The following LAMA2 variants were observed in gnomAD, a reference collection of about 807,000 sequenced individuals.
LAMA2 encodes laminin subunit alpha-2.
A neutral mutation model predicts 364.8 loss-of-function variants in LAMA2; 269 were observed. That is an observed-to-expected ratio of 0.74 (90% CI 0.67 to 0.82). LAMA2 has a LOEUF of 0.82. LAMA2 is among the 40% of genes least tolerant of loss of function. LAMA2 has a pLI of 0.00. For missense variants in LAMA2, 3,807 were observed against 3,873.2 expected, an observed-to-expected ratio of 0.98 and a Z score of 0.45; for synonymous variants, 1,379 against 1,370.6, an observed-to-expected ratio of 1.01 and a Z score of -0.14.
At chr6:129,132,570 A>G (rs934180706) in intron 4 of LAMA2, among the ~76,000 whole-genome samples, 2 of 152,218 alleles carry the variant, frequency 1.3e-5, no homozygotes, top group Non-Finnish European at 2.9e-5. Context: ...ATTGATGTTC[A>G]GTGACCTTAG....
chr6:129,255,223 T>A (rs550101411), intron 14 of LAMA2, among the ~76,000 whole-genome samples: 1 of 151,628 alleles, frequency 6.6e-6, no homozygotes, highest in East Asian at 1.9e-4. Context: ...CTGACCAACA[T>A]GGTGAAACCC....
intron 43 of LAMA2, 27 bp from the exon 44 acceptor site, chr6:129,443,036 T>A (rs1197323623): frequency 6.4e-7 from 1 of 1,566,630 alleles, no homozygotes; most frequent in Admixed American, 1.7e-5. Context: ...TTTTTTTTGT[T>A]TTGCTTCCAT....
chr6:129,082,840 C>T (rs889309448), intron 3 of LAMA2, among the ~76,000 whole-genome samples: 4 of 152,030 alleles, frequency 2.6e-5, no homozygotes, highest in Non-Finnish European at 5.9e-5. Flanking sequence ...TTTCAGTATG[C>T]TTTAATGCTT....
At position 129,129,754 on chromosome 6, in the gene LAMA2, C is replaced by T. The variant is rs190605141; in HGVS notation, c.640-14147C>T. Among the ~76,000 whole-genome samples the T allele has an allele frequency of 9.2e-4, 139 of 151,600 alleles. 1 individual carries two copies. The highest frequency in any genetic ancestry group is 3.4e-3 in the Admixed American group (52 of 15,234). ...CCCGGCTAAAACGGTGAAACCCCGT[C>T]TCTACTAAAAATACAAAAAATTAGC... On this transcript the variant is annotated intron_variant, in intron 4 of 64. Transcript: ENST00000421865.
chr6:129,194,884 G>A (rs911897318), intron 12 of LAMA2, among the ~76,000 whole-genome samples: 4 of 152,196 alleles, frequency 2.6e-5, no homozygotes, highest in African/African-American at 7.2e-5. Context: ...TGCTAAGGAA[G>A]TGGAAAATTG....
intron 4 of LAMA2, among the ~76,000 whole-genome samples, chr6:129,136,775 A>G (rs1777820526): frequency 6.6e-6 from 1 of 152,230 alleles, no homozygotes; most frequent in Non-Finnish European, 1.5e-5. Context: ...CAAGGACTGT[A>G]ATTCTAAAGA....
intron 4 of LAMA2, among the ~76,000 whole-genome samples, chr6:129,106,591 A>G (rs1041962821): frequency 6.6e-6 from 1 of 152,062 alleles, no homozygotes; most frequent in African/African-American, 2.4e-5. Flanking sequence ...TGTGGGGCCA[A>G]TCAGTACCTG....
chr6:129,223,818 G>C (rs202153640), intron 12 of LAMA2, among the ~76,000 whole-genome samples: 1 of 152,042 alleles, frequency 6.6e-6, no homozygotes, highest in Admixed American at 6.6e-5. Context: ...ATTGACTTGG[G>C]AATGTGGGCT....
At chr6:129,509,634 T>A (rs909591253) in intron 62 of LAMA2, among the ~76,000 whole-genome samples, 2 of 152,166 alleles carry the variant, frequency 1.3e-5, no homozygotes, top group African/African-American at 4.8e-5. Flanking sequence ...TGTATGTTCT[T>A]AGAACCTTTA....
chr6:129,289,418 G>A (rs1273103790), intron 19 of LAMA2, among the ~76,000 whole-genome samples: 1 of 152,138 alleles, frequency 6.6e-6, no homozygotes, highest in Non-Finnish European at 1.5e-5. Context: ...CACATAGAGG[G>A]TATCCAGTGA....
At chr6:129,156,444 A>T (rs978020208) in intron 8 of LAMA2, among the ~76,000 whole-genome samples, 17 of 151,918 alleles carry the variant, frequency 1.1e-4, no homozygotes, top group African/African-American at 3.6e-4. Context: ...AAAAATTTTT[A>T]AATAATTTTC....
intron 37 of LAMA2, among the ~76,000 whole-genome samples, chr6:129,396,144 AGG>A (rs1779603709): frequency 6.6e-6 from 1 of 152,222 alleles, no homozygotes; most frequent in Non-Finnish European, 1.5e-5. Flanking sequence ...GTGTGATATT[AGG>A]CTAGAAAAGT....
intron 33 of LAMA2, among the ~76,000 whole-genome samples, chr6:129,367,661 C>G (rs554307341): frequency 3.3e-5 from 5 of 152,104 alleles, no homozygotes; most frequent in Non-Finnish European, 7.4e-5. Flanking sequence ...TAATTCTGAC[C>G]ATAACCTTTA....
At chr6:129,222,358 TTTAAG>T (rs1303949185) in intron 12 of LAMA2, among the ~76,000 whole-genome samples, 16 of 152,204 alleles carry the variant, frequency 1.1e-4, no homozygotes, top group African/African-American at 3.4e-4. Context: ...CATTTTTTTT[TTTAAG>T]TTAAGTTCTA....
chr6:129,023,407 C>T (rs908758726), intron 1 of LAMA2, among the ~76,000 whole-genome samples: 5 of 152,138 alleles, frequency 3.3e-5, no homozygotes, highest in East Asian at 1.9e-4. Flanking sequence ...CATTCTGCTC[C>T]TCTTTTTCCA....
chr6:129,237,619 T>C (rs952646974), intron 12 of LAMA2, among the ~76,000 whole-genome samples: 1 of 152,070 alleles, frequency 6.6e-6, no homozygotes. Flanking sequence ...CAAGCGTGTT[T>C]CAGTGAATAG....
chr6:129,132,632 G>A (rs1038483095), intron 4 of LAMA2, among the ~76,000 whole-genome samples: 3 of 152,156 alleles, frequency 2.0e-5, no homozygotes, highest in Admixed American at 1.3e-4. Flanking sequence ...TATTCATGTT[G>A]TCTCAGGCTG....
chr6:128,974,497 A>G (rs546750290), intron 1 of LAMA2, among the ~76,000 whole-genome samples: 13 of 152,340 alleles, frequency 8.5e-5, no homozygotes, highest in Middle Eastern at 3.4e-3. Context: ...GGTTTTAAGG[A>G]GTATATAATA....
At chr6:129,301,424 A>G (rs556141018) in intron 22 of LAMA2, among the ~76,000 whole-genome samples, 5 of 152,304 alleles carry the variant, frequency 3.3e-5, no homozygotes, top group Admixed American at 3.3e-4. Flanking sequence ...AGGCTGTTGA[A>G]GAAATATTAA....
Sources: gnomAD v4.1 joint callset for allele counts (sites outside exome capture counted in the v4.1 genomes callset) on GRCh38, gnomAD v4.1.1 for gene constraint, MANE v1.5 for transcripts, NCBI Gene and HGNC (gene_info 2026-07-23, HGNC 2026-07-21) for gene names.